Variants in WDR27 observed in about 807,000 individuals in gnomAD.
WDR27 encodes the protein WD repeat-containing protein 27.
Under a neutral mutation model 114.4 loss-of-function variants are expected in WDR27, and 100 were observed. The observed-to-expected ratio is 0.87, with a 90% CI of 0.74 to 1.03. The LOEUF (loss-of-function observed/expected upper bound fraction) is 1.03, where lower values mean the gene tolerates loss of function less well. Ranked by LOEUF, WDR27 falls within the 50% of genes least tolerant of loss-of-function variation. The pLI is 0.00. For missense variants in WDR27, 1,129 were observed against 1,092.9 expected (o/e 1.03, Z -0.47); for synonymous variants, 449 against 423.1 (o/e 1.06, Z -0.75).
At chr6:169,621,340 ACACATGCATGTAGACATACGCACACATG>A (rs144686882) in intron 21 of WDR27, among the ~76,000 whole-genome samples, 3 of 151,402 alleles carry the variant, frequency 2.0e-5, no homozygotes, top group Non-Finnish European at 4.4e-5. Flanking sequence ...ACATACGCAC[ACACATGCATGTAGACATACGCACACATG>A]CATGCATGTA....
chr6:169,621,232 A>G (rs1243845237), intron 21 of WDR27, among the ~76,000 whole-genome samples: 1 of 152,150 alleles, frequency 6.6e-6, no homozygotes, highest in Non-Finnish European at 1.5e-5. Context: ...ACACACATGC[A>G]CACAGGCATA....
chr6:169,695,979 A>G (rs1251230167), intron 1 of WDR27, among the ~76,000 whole-genome samples: 1 of 152,132 alleles, frequency 6.6e-6, no homozygotes, highest in East Asian at 1.9e-4. Context: ...GTTTTCACCC[A>G]AAGACTCTGG....
intron 2 of WDR27, among the ~76,000 whole-genome samples, chr6:169,673,571 C>T (rs1779319718): frequency 6.6e-6 from 1 of 151,368 alleles, no homozygotes; most frequent in Non-Finnish European, 1.5e-5. Flanking sequence ...GGGAAGTGAC[C>T]CCAGATGCTG....
intron 6 of WDR27, chr6:169,666,666 A>G: frequency 3.0e-6 from 3 of 986,090 alleles, no homozygotes; most frequent in Non-Finnish European, 3.6e-6. Flanking sequence ...ACCAACAGAA[A>G]GCCATCTGAG....
chr6:169,697,775 C>A (rs1214882982), intron 1 of WDR27, among the ~76,000 whole-genome samples: 1 of 152,212 alleles, frequency 6.6e-6, no homozygotes, highest in Non-Finnish European at 1.5e-5. Context: ...TACCTATGGC[C>A]ACTCTCCTTA....
chr6:169,639,008 G>T (rs1002670963), intron 17 of WDR27, among the ~76,000 whole-genome samples: 1 of 151,616 alleles, frequency 6.6e-6, no homozygotes, highest in African/African-American at 2.4e-5. Context: ...ACTGCGTGGT[G>T]CTGGATACTG....
At chr6:169,433,548 C>T in the WDR27 span, among the ~76,000 whole-genome samples, 5 of 152,186 alleles carry the variant, frequency 3.3e-5, no homozygotes, top group African/African-American at 1.2e-4. Context: ...CTGCAATAAA[C>T]ATATGTGTGC....
chr6:169,675,914 G>A (rs765501176), intron 2 of WDR27, among the ~76,000 whole-genome samples: 4 of 152,160 alleles, frequency 2.6e-5, no homozygotes, highest in Non-Finnish European at 5.9e-5. Flanking sequence ...ATTCTCTATA[G>A]AATATGGATT....
chr6:169,548,400 G>A (rs2128100466), intron 25 of WDR27, among the ~76,000 whole-genome samples: 1 of 152,210 alleles, frequency 6.6e-6, no homozygotes, highest in East Asian at 1.9e-4. Context: ...TAAACAGCTA[G>A]AAGAGAGGAT....
chr6:169,619,472 T>C (rs1363976014), intron 21 of WDR27, among the ~76,000 whole-genome samples: 1 of 152,154 alleles, frequency 6.6e-6, no homozygotes, highest in African/African-American at 2.4e-5. Context: ...CAGGAGGTCC[T>C]CAGAACATGT....
In WDR27 at chr6:169,486,688, C is replaced by T. The variant is rs114801870; in HGVS notation, c.2646-29054G>A. ...CATATTTTTAGTAGAGACGGGATTT[C>T]GCCATGTTAGTTAGGCTGGTCTCGA... On this transcript the variant is annotated intron_variant, in intron 25 of 25. Transcript: ENST00000448612. 5.1e-3 allele frequency among the ~76,000 whole-genome samples: 781 copies of T among 152,246 alleles called. 9 individuals are homozygous for T. Among genetic ancestry groups the T allele is most frequent in the African/African-American group, 0.018 (746 of 41,536 alleles).
intron 21 of WDR27, 106 bp downstream of exon 21, chr6:169,632,841 A>T: frequency 9.3e-7 from 1 of 1,080,760 alleles, no homozygotes; most frequent in South Asian, 3.2e-5. Context: ...ATTAACATTG[A>T]ATTTGGTAGC....
At chr6:169,692,339 ATAATT>A (rs1784725899) in intron 1 of WDR27, among the ~76,000 whole-genome samples, 1 of 152,182 alleles carries the variant, frequency 6.6e-6, no homozygotes, top group Non-Finnish European at 1.5e-5. Flanking sequence ...GAATTATGTG[ATAATT>A]TAGACTGGGC....
At chr6:169,515,892 TG>T in intron 25 of WDR27, among the ~76,000 whole-genome samples, 1 of 151,668 alleles carries the variant, frequency 6.6e-6, no homozygotes, top group East Asian at 1.9e-4. Flanking sequence ...AGCAGAAAAG[TG>T]TATTATGCCC....
At chr6:169,444,676 T>G in the WDR27 span, among the ~76,000 whole-genome samples, 1 of 151,930 alleles carries the variant, frequency 6.6e-6, no homozygotes, top group African/African-American at 2.4e-5. Context: ...TTTGTTTTTT[T>G]TTTTTTCGTC....
At chr6:169,636,202 G>A (rs969166055) in intron 19 of WDR27, among the ~76,000 whole-genome samples, 169 bp downstream of exon 19, 2 of 152,184 alleles carry the variant, frequency 1.3e-5, no homozygotes. Flanking sequence ...TACAAAGGAA[G>A]GTTTAAAATG....
At chr6:169,656,626 G>A (rs778201296) in intron 13 of WDR27, among the ~76,000 whole-genome samples, 9 of 152,120 alleles carry the variant, frequency 5.9e-5, no homozygotes, top group Non-Finnish European at 1.3e-4. Context: ...GGCCCAGGAG[G>A]AAGGAGCCAA....
Position 169,518,665 on chromosome 6 carries a change from G to A in WDR27, c.2645+53754C>T, listed in dbSNP as rs374835373. On this transcript the variant is annotated intron_variant, in intron 25 of 25. Transcript: ENST00000448612. ...GGGCTGCCTCTTAGATCTCTGAAATGCCTTTGAGGCCTTTTTCCCATTGTC... is the reference window on the plus strand; with the variant it reads ...GGGCTGCCTCTTAGATCTCTGAAATACCTTTGAGGCCTTTTTCCCATTGTC... Among the ~76,000 whole-genome samples, 20 of 152,342 alleles carry A rather than the reference G, an allele frequency of 1.3e-4. No individual in the cohort carries two copies. In the South Asian group the frequency reaches 2.5e-3, roughly 19 times the overall value.
chr6:169,561,157 T>C (rs1799619836), intron 25 of WDR27, among the ~76,000 whole-genome samples: 1 of 152,158 alleles, frequency 6.6e-6, no homozygotes, highest in Non-Finnish European at 1.5e-5. Context: ...ATGAAGGTGC[T>C]GGCAGTGCCT....
Sources: allele counts gnomAD v4.1 joint callset (sites outside exome capture counted in the v4.1 genomes callset), GRCh38; gene constraint gnomAD v4.1.1; transcripts MANE v1.5; gene names NCBI Gene and HGNC (gene_info 2026-07-23, HGNC 2026-07-21).